Variants in VPS53 observed in about 807,000 individuals in gnomAD.
The protein encoded by VPS53 is vacuolar protein sorting-associated protein 53 homolog.
In VPS53, 70 loss-of-function variants were observed where a neutral mutation model predicts 107.0. The observed-to-expected ratio is 0.65, with a 90% CI of 0.54 to 0.80. The LOEUF is 0.80. Among genes scored for constraint, VPS53 ranks in the 30% least tolerant of loss-of-function variants. The pLI, the probability that VPS53 is intolerant of heterozygous loss-of-function variation, is 0.00. For missense variants in VPS53, 917 were observed against 1,049.4 expected (o/e 0.87, Z 1.74); for synonymous variants, 409 against 393.3 (o/e 1.04, Z -0.47).
intron 17 of VPS53, chr17:540,492 A>G (rs1910547201): frequency 1.3e-5 from 2 of 152,210 alleles, no homozygotes; most frequent in South Asian, 4.1e-4. Context: ...GGTGTGAGCT[A>G]CCACGCCTGG....
chr17:584,017 T>C (rs1001649541), intron 13 of VPS53, among the ~76,000 whole-genome samples: 9 of 152,178 alleles, frequency 5.9e-5, no homozygotes, highest in African/African-American at 2.2e-4. Context: ...CCCAGATAAC[T>C]TCCCTCAGTA....
chr17:657,267 C>A (rs149326380), intron 5 of VPS53: 4 of 903,176 alleles, frequency 4.4e-6, no homozygotes, highest in Non-Finnish European at 7.2e-6. Flanking sequence ...TTTGGTGTCA[C>A]GGATCAGATG....
chr17:572,719 G>A (rs970215791), intron 13 of VPS53, among the ~76,000 whole-genome samples: 1 of 149,924 alleles, frequency 6.7e-6, no homozygotes, highest in African/African-American at 2.5e-5. Flanking sequence ...CTGTTGATCT[G>A]TGACCTTACC....
chr17:517,499 T>TG lies in VPS53; in HGVS notation c.*1628dup. On this transcript the variant is annotated 3_prime_UTR_variant, in exon 22 of 22. Transcript: ENST00000437048. Reference sequence around the variant, plus strand: ...TACTGTACGGCTGTTACAAGTTTTATGGATTTTAAGGAAATTTCCTCTATC... The same window carrying TG: ...TACTGTACGGCTGTTACAAGTTTTATGGGATTTTAAGGAAATTTCCTCTATC... 2.5e-6 allele frequency: 1 copy of TG among 398,628 alleles called. No homozygotes were observed. The highest frequency in any genetic ancestry group is 4.4e-6 in the Non-Finnish European group (1 of 226,056). 24.7% of individuals were successfully genotyped at this position (398,628 alleles called of 1,614,324 possible).
intron 13 of VPS53, among the ~76,000 whole-genome samples, chr17:579,517 A>G (rs1966879627): frequency 1.3e-5 from 2 of 150,244 alleles, no homozygotes; most frequent in Admixed American, 1.3e-4. Flanking sequence ...CTCCCTCACA[A>G]TCTCAGTGCA....
chr17:533,035 C>T, intron 18 of VPS53, 124 bp from the exon 19 acceptor site: 1 of 1,427,740 alleles, frequency 7.0e-7, no homozygotes, highest in Non-Finnish European at 9.3e-7. Flanking sequence ...AAGTGGACTC[C>T]ACTGTTGCCC....
At position 579,273 on chromosome 17, in the gene VPS53, T is replaced by C. The variant is rs138199910; in HGVS notation, c.1313+6997A>G. ...CCTCCCTCAGAACCTAATGTATTCCTAGAGAACTTCCCTCAGAACCTAATG... is the reference window on the plus strand; with the variant it reads ...CCTCCCTCAGAACCTAATGTATTCCCAGAGAACTTCCCTCAGAACCTAATG... On this transcript the variant is annotated intron_variant, in intron 13 of 21. Coordinates refer to ENST00000437048, the MANE Select transcript of VPS53 (RefSeq NM_001128159.3). Among the ~76,000 whole-genome samples, 362 of 80,236 alleles carry C rather than the reference T, an allele frequency of 4.5e-3. 25 individuals are homozygous for C. The highest frequency in any genetic ancestry group is 0.025 in the Middle Eastern group (2 of 80). 52.6% of individuals were successfully genotyped at this position (80,236 alleles called of 152,430 possible).
At chr17:594,156 T>C (rs1189690220) in intron 12 of VPS53, among the ~76,000 whole-genome samples, 1 of 151,630 alleles carries the variant, frequency 6.6e-6, no homozygotes, top group Non-Finnish European at 1.5e-5. Context: ...CTGGGGACTG[T>C]TGTGGGGTGG....
intron 13 of VPS53, among the ~76,000 whole-genome samples, chr17:565,167 C>T (rs543543797): frequency 6.1e-4 from 92 of 151,988 alleles, no homozygotes; most frequent in East Asian, 9.7e-4. Context: ...TTTGGGAAGC[C>T]GGGGCGGGTG....
chr17:656,173 T>C (rs932065555), intron 5 of VPS53, among the ~76,000 whole-genome samples: 3 of 152,216 alleles, frequency 2.0e-5, no homozygotes, highest in African/African-American at 7.2e-5. Context: ...AAACCTTCAG[T>C]TGTGAGCATG....
intron 7 of VPS53, among the ~76,000 whole-genome samples, chr17:643,798 C>G (rs954449359): frequency 2.0e-5 from 3 of 152,212 alleles, no homozygotes; most frequent in Non-Finnish European, 4.4e-5. Flanking sequence ...AACACTCATA[C>G]TTGGCAACTG....
intron 4 of VPS53, among the ~76,000 whole-genome samples, chr17:680,490 AAAG>A (rs1376644210): frequency 4.6e-5 from 7 of 152,188 alleles, no homozygotes; most frequent in Admixed American, 4.6e-4. Flanking sequence ...AATATTTTAA[AAAG>A]AAGGAAAAAA....
chr17:697,480 G>C lies in VPS53; in HGVS notation c.223C>G (p.Leu75Val), dbSNP rs138068150. 4.3e-6 allele frequency: 7 copies of C among 1,613,176 alleles called. No homozygotes were observed. The highest frequency in any genetic ancestry group is 5.9e-6 in the Non-Finnish European group (7 of 1,179,262). ...VNKIRLKIRRLDDNIRTVVRG... is the reference protein window; with the variant it reads ...VNKIRLKIRRVDDNIRTVVRG... ...ACAACAGTTCGAATATTGTCATCCA[G>C]TCTCCTAGCAAAACAGTTCAAGGAT... Residue 75 changes from leucine (L) to valine (V), a missense_variant, in exon 4 of 22, where the codon CTG (leucine) becomes GTG (valine). Transcript: ENST00000437048.
chr17:592,139 A>T (rs1047470674), intron 12 of VPS53, among the ~76,000 whole-genome samples: 3 of 152,128 alleles, frequency 2.0e-5, no homozygotes, highest in African/African-American at 7.2e-5. Context: ...TTTACCATTA[A>T]GTAATGGCCT....
chr17:675,159 T>G (rs1972102360), intron 4 of VPS53: 1 of 152,272 alleles, frequency 6.6e-6, no homozygotes, highest in Non-Finnish European at 1.5e-5. Context: ...TCTGGAAAAT[T>G]CCAGGGCTGA....
chr17:544,011 GAGTGAGGAAGGC>G (rs1298223754), intron 17 of VPS53, among the ~76,000 whole-genome samples: 10 of 87,100 alleles, frequency 1.1e-4, no homozygotes, highest in East Asian at 1.1e-3. Flanking sequence ...GGGAGGGAGG[GAGTGAGGAAGGC>G]AGGGAGGGAG....
intron 1 of VPS53, among the ~76,000 whole-genome samples, chr17:711,673 G>A (rs565091322): frequency 1.3e-5 from 2 of 152,148 alleles, no homozygotes; most frequent in South Asian, 4.1e-4. Context: ...AGGTTTTAGT[G>A]CTGTCCTAGG....
At chr17:610,241 C>T (rs946661552) in intron 11 of VPS53, among the ~76,000 whole-genome samples, 5 of 151,428 alleles carry the variant, frequency 3.3e-5, no homozygotes, top group African/African-American at 1.2e-4. Flanking sequence ...ACTAAGGGTC[C>T]TACGAGAAAA....
At chr17:548,631 T>A (rs1168436599) in intron 17 of VPS53, among the ~76,000 whole-genome samples, 2 of 152,102 alleles carry the variant, frequency 1.3e-5, no homozygotes, top group African/African-American at 4.8e-5. Context: ...CTTCTGACAT[T>A]TATAAGATAC....
Sources: allele counts gnomAD v4.1 joint callset (sites outside exome capture counted in the v4.1 genomes callset), GRCh38; gene constraint gnomAD v4.1.1; transcripts MANE v1.5; gene names NCBI Gene and HGNC (gene_info 2026-07-23, HGNC 2026-07-21).